MAGI2: variants seen among roughly 807,000 people sequenced by gnomAD.
MAGI2 encodes the protein membrane associated guanylate kinase, WW and PDZ domain containing 2, also known as membrane-associated guanylate kinase, WW and PDZ domain-containing protein 2.
A neutral mutation model predicts 133.3 loss-of-function variants in MAGI2; 35 were observed. That is an observed-to-expected ratio of 0.26 (90% CI 0.20 to 0.35). The LOEUF is 0.35. Among genes scored for constraint, MAGI2 ranks in the 10% least tolerant of loss-of-function variants. MAGI2 has a pLI of 1.00. For missense variants in MAGI2, 1,636 were observed against 1,863.4 expected (o/e 0.88, Z 2.25); for synonymous variants, 729 against 710.6 (o/e 1.03, Z -0.41).
chr7:78,526,550 A>G (rs6466259), intron 3 of MAGI2, among the ~76,000 whole-genome samples: 107 of 152,138 alleles, frequency 7.0e-4, no homozygotes, highest in African/African-American at 2.5e-3. Context: ...AAAATCTATA[A>G]ATTTACATAG....
At chr7:79,071,368 G>A (rs1261101913) in intron 1 of MAGI2, among the ~76,000 whole-genome samples, 1 of 152,008 alleles carries the variant, frequency 6.6e-6, no homozygotes, top group Admixed American at 6.5e-5. Context: ...TAGCTCTCCT[G>A]TATGAGGTGT....
intron 2 of MAGI2, among the ~76,000 whole-genome samples, chr7:78,992,325 T>C (rs541725578): frequency 1.3e-5 from 2 of 152,172 alleles, no homozygotes; most frequent in South Asian, 4.1e-4. Flanking sequence ...TTAATCACTC[T>C]GTATTTCCAG....
At chr7:79,218,528 G>A (rs1056855036) in intron 1 of MAGI2, among the ~76,000 whole-genome samples, 2 of 152,014 alleles carry the variant, frequency 1.3e-5, no homozygotes, top group African/African-American at 2.4e-5. Context: ...ATTAACCAAA[G>A]TGATACATGT....
At chr7:78,973,057 G>T (rs1269502818) in intron 2 of MAGI2, among the ~76,000 whole-genome samples, 2 of 151,680 alleles carry the variant, frequency 1.3e-5, no homozygotes, top group South Asian at 2.1e-4. Context: ...ATACTGAATG[G>T]TCACTGTTGC....
intron 2 of MAGI2, among the ~76,000 whole-genome samples, chr7:78,826,063 T>C (rs1471710955): frequency 6.6e-6 from 1 of 151,970 alleles, no homozygotes; most frequent in Admixed American, 6.6e-5. Context: ...TTTAAGAGCA[T>C]ATTAATAGGC....
intron 1 of MAGI2, among the ~76,000 whole-genome samples, chr7:79,054,591 A>C (rs1338700594): frequency 6.6e-6 from 1 of 152,136 alleles, no homozygotes; most frequent in Non-Finnish European, 1.5e-5. Context: ...CACTCTCTTC[A>C]TACCATAAAC....
chr7:79,408,445 A>T (rs1845949893), intron 1 of MAGI2, among the ~76,000 whole-genome samples: 1 of 152,070 alleles, frequency 6.6e-6, no homozygotes, highest in South Asian at 2.1e-4. Context: ...ACCCAGCACA[A>T]ATGGTAATTA....
chr7:79,092,730 T>C (rs1412200889), intron 1 of MAGI2, among the ~76,000 whole-genome samples: 2 of 152,168 alleles, frequency 1.3e-5, no homozygotes, highest in Non-Finnish European at 2.9e-5. Flanking sequence ...AAATTCTCAG[T>C]GCATTTCTGA....
intron 2 of MAGI2, among the ~76,000 whole-genome samples, chr7:78,834,078 A>G (rs1050937582): frequency 2.6e-5 from 4 of 152,022 alleles, no homozygotes; most frequent in African/African-American, 9.7e-5. Context: ...AGCTCATTGC[A>G]GCCTTGAACT....
At chr7:78,918,912 T>G (rs1017528538) in intron 2 of MAGI2, among the ~76,000 whole-genome samples, 4 of 152,162 alleles carry the variant, frequency 2.6e-5, no homozygotes, top group African/African-American at 9.6e-5. Flanking sequence ...TTATCTGCCC[T>G]TAAAATAGAA....
At chr7:79,303,354 T>C (rs1837527563) in intron 1 of MAGI2, among the ~76,000 whole-genome samples, 1 of 152,180 alleles carries the variant, frequency 6.6e-6, no homozygotes, top group South Asian at 2.1e-4. Flanking sequence ...CATTCAATAA[T>C]GTTAAATTAT....
At chr7:79,242,747 G>C (rs1196639984) in intron 1 of MAGI2, among the ~76,000 whole-genome samples, 1 of 152,132 alleles carries the variant, frequency 6.6e-6, no homozygotes, top group African/African-American at 2.4e-5. Flanking sequence ...GCCAATAAGA[G>C]GATGTAGAAC....
intron 1 of MAGI2, among the ~76,000 whole-genome samples, chr7:79,183,532 A>G (rs969609051): frequency 6.6e-6 from 1 of 151,796 alleles, no homozygotes. Context: ...CCTTTATTAG[A>G]TATATATTCC....
intron 7 of MAGI2, among the ~76,000 whole-genome samples, chr7:78,359,977 T>C (rs542942245): frequency 1.3e-5 from 2 of 152,218 alleles, no homozygotes; most frequent in Non-Finnish European, 2.9e-5. Context: ...ACTAACATTG[T>C]GATTTATGAC....
chr7:78,528,836 A>C (rs1584508700), intron 3 of MAGI2, among the ~76,000 whole-genome samples: 1 of 152,342 alleles, frequency 6.6e-6, no homozygotes, highest in East Asian at 1.9e-4. Flanking sequence ...AAAAGCATTA[A>C]TCTTACATGT....
intron 21 of MAGI2, among the ~76,000 whole-genome samples, chr7:78,070,506 ATATATGTGTGTATATATG>A (rs1814502293): frequency 2.1e-5 from 3 of 146,174 alleles, no homozygotes; most frequent in Non-Finnish European, 4.5e-5. Context: ...GTGTGTGTAT[ATATATGTGTGTATATATG>A]TATATATGTG....
chr7:78,849,223 A>T (rs1038403677), intron 2 of MAGI2, among the ~76,000 whole-genome samples: 1 of 152,082 alleles, frequency 6.6e-6, no homozygotes, highest in Admixed American at 6.6e-5. Context: ...TAGCTGAAGA[A>T]ATATCAAAAC....
Position 78,079,098 on chromosome 7 carries a change from G to T in MAGI2, c.3568-13C>A. The T allele has an allele frequency of 1.2e-6, 2 of 1,611,072 alleles. No homozygotes were observed. Among genetic ancestry groups the T allele is most frequent in the South Asian group, 2.2e-5 (2 of 90,102 alleles). On this transcript the variant is annotated splice_polypyrimidine_tract_variant and intron_variant, in intron 20 of 21. Coordinates refer to ENST00000354212, the MANE Select transcript of MAGI2 (RefSeq NM_012301.4). ...TTTGATCTCCTACCTGTTGATTAAA[G>T]AAAAATTAAGTCAGCCAAAGATGGT...
intron 9 of MAGI2, among the ~76,000 whole-genome samples, chr7:78,281,947 C>T (rs1211116467): frequency 6.6e-6 from 1 of 150,856 alleles, no homozygotes; most frequent in Non-Finnish European, 1.5e-5. Context: ...CATTCACTTT[C>T]ATTTCTTACA....
Sources: gnomAD v4.1 joint callset for allele counts (sites outside exome capture counted in the v4.1 genomes callset) on GRCh38, gnomAD v4.1.1 for gene constraint, MANE v1.5 for transcripts, NCBI Gene and HGNC (gene_info 2026-07-23, HGNC 2026-07-21) for gene names.